TM4SF1: variants seen among roughly 807,000 people sequenced by gnomAD.
TM4SF1 encodes transmembrane 4 L six family member 1, also known as transmembrane 4 L6 family member 1.
Under a neutral mutation model 24.5 loss-of-function variants are expected in TM4SF1, and 20 were observed. The ratio of observed to expected loss-of-function variants is 0.82; its 90% confidence interval spans 0.57 to 1.19. TM4SF1 has a LOEUF of 1.19. Among genes scored for constraint, TM4SF1 ranks in the 50% most tolerant of loss-of-function variants. The probability of loss-of-function intolerance (pLI) is 0.00; values close to 1 mark genes in which losing one functional copy is unlikely to be tolerated. For missense variants in TM4SF1, 258 were observed against 248.1 expected (o/e 1.04, Z -0.27); for synonymous variants, 107 against 95.4 (o/e 1.12, Z -0.71).
In TM4SF1 at chr3:149,369,363, A is replaced by G. The variant is rs1731766355; in HGVS notation, c.*503T>C. The G allele has an allele frequency of 6.4e-6, 1 of 155,092 alleles. No individual in the cohort carries two copies. The highest frequency in any genetic ancestry group is 1.4e-5 in the Non-Finnish European group (1 of 70,354). The allele number at this position is 155,092 out of a possible 1,614,324, so 9.6% of individuals were successfully genotyped here. On this transcript the variant is annotated 3_prime_UTR_variant, in exon 5 of 5. Transcript: ENST00000305366. The stretch of plus-strand genomic sequence containing the variant: ...TAAGTAAATATTTGTTTCTCACAGA[A>G]CACAAGGCAGTTCAAAGGGCCTCTT...
chr3:149,376,356 T>A (rs1444963846), intron 1 of TM4SF1, among the ~76,000 whole-genome samples: 2 of 152,226 alleles, frequency 1.3e-5, no homozygotes, highest in Non-Finnish European at 1.5e-5. Context: ...AATAATCATG[T>A]TAACATGATA....
In TM4SF1 at chr3:149,371,811, T is replaced by G; in HGVS notation, c.470A>C (p.Glu157Ala). The G allele has an allele frequency of 6.2e-7, 1 of 1,614,072 alleles. No individual in the cohort carries two copies. The highest frequency in any genetic ancestry group is 2.2e-5 in the East Asian group (1 of 44,890). ...SECTEPKHIVEWNVSLFSILL... is the reference protein window; with the variant it reads ...SECTEPKHIVAWNVSLFSILL... ...GATAGAAAACAGAGATACATTCCAT[T>G]CCACAATGTGCTTGGGTTCAGTGCA... Residue 157 changes from glutamate (E) to alanine (A), a missense_variant, in exon 4 of 5, where the codon GAA becomes GCA. Transcript: ENST00000305366.
At chr3:149,372,200 T>G (rs1005791379) in intron 3 of TM4SF1, among the ~76,000 whole-genome samples, 9 of 152,224 alleles carry the variant, frequency 5.9e-5, no homozygotes, top group African/African-American at 2.2e-4. Context: ...ATTTGTGCTG[T>G]GTTTAAAGCT....
At chr3:149,374,561 G>A (rs1308989376) in intron 3 of TM4SF1, among the ~76,000 whole-genome samples, 2 of 151,854 alleles carry the variant, frequency 1.3e-5, no homozygotes, top group African/African-American at 4.9e-5. Context: ...TTCTTTTCTG[G>A]ATAACTGATA....
intron 3 of TM4SF1, among the ~76,000 whole-genome samples, chr3:149,374,749 G>A (rs1172572149): frequency 6.6e-6 from 1 of 152,082 alleles, no homozygotes; most frequent in Non-Finnish European, 1.5e-5. Context: ...GTATACACAG[G>A]GGTAAGGGCA....
At chr3:149,371,309 G>C in intron 4 of TM4SF1, 1 of 384,450 alleles carries the variant, frequency 2.6e-6, no homozygotes, top group Non-Finnish European at 4.7e-6. Context: ...CTGATGCATT[G>C]AATGGTTGGC....
intron 3 of TM4SF1, among the ~76,000 whole-genome samples, chr3:149,375,036 T>G (rs1454223176): frequency 6.6e-6 from 1 of 152,090 alleles, no homozygotes; most frequent in Non-Finnish European, 1.5e-5. Flanking sequence ...AAATAGGAAG[T>G]CACTTCATAG....
intron 4 of TM4SF1, chr3:149,371,259 T>C (rs1210688510): frequency 1.9e-5 from 4 of 214,320 alleles, no homozygotes; most frequent in Non-Finnish European, 3.7e-5. Context: ...ATCTTAAGCC[T>C]ATTGCTTAAT....
intron 4 of TM4SF1, chr3:149,371,052 G>A (rs1371020605): frequency 2.6e-5 from 4 of 152,102 alleles, no homozygotes; most frequent in Non-Finnish European, 4.4e-5. Flanking sequence ...CTTTCACAAC[G>A]AAAGGCTTTT....
intron 1 of TM4SF1, among the ~76,000 whole-genome samples, chr3:149,377,035 C>G (rs930552774): frequency 1.2e-4 from 18 of 152,176 alleles, no homozygotes; most frequent in African/African-American, 4.3e-4. Context: ...CTTCCGGCTC[C>G]CCAGAGCAAA....
Position 149,371,749 on chromosome 3 carries a change from G to A in TM4SF1, c.532C>T (p.Leu178Phe). ...AGCACTCCATTTATTACTTGAATAA[G>A]ACACAAGATGAATTCAATTCCACCA... ...ALGGIEFILC[L>F]IQVINGVLGG... Residue 178 changes from leucine (L) to phenylalanine (F), a missense_variant, in exon 4 of 5, where the codon CTT becomes TTT. Leu to Phe is a conservative substitution (Grantham distance 22). Coordinates refer to ENST00000305366, the MANE Select transcript of TM4SF1 (RefSeq NM_014220.3). The A allele has an allele frequency of 6.2e-7, 1 of 1,614,084 alleles. No homozygotes were observed. Among genetic ancestry groups the A allele is most frequent in the Non-Finnish European group, 8.5e-7 (1 of 1,180,022 alleles).
At chr3:149,370,805 A>G (rs1233504159) in intron 4 of TM4SF1, 6 of 152,160 alleles carry the variant, frequency 3.9e-5, no homozygotes, top group Non-Finnish European at 7.4e-5. Flanking sequence ...AGTTTTCATT[A>G]GGTTTTTGTC....
chr3:149,375,031 G>A (rs115317025), intron 3 of TM4SF1, among the ~76,000 whole-genome samples: 1,532 of 152,140 alleles, frequency 0.01, 34 homozygotes, highest in African/African-American at 0.035. Flanking sequence ...CTTTAAAATA[G>A]GAAGTCACTT....
Position 149,375,210 on chromosome 3 carries a change from GA to G in TM4SF1, c.413+232del, listed in dbSNP as rs557820027. On this transcript the variant is annotated intron_variant, in intron 3 of 4. Coordinates refer to ENST00000305366, the MANE Select transcript of TM4SF1 (RefSeq NM_014220.3). ...ACAGATCAAGACCCTGTCTCTGGGG[GA>G]AAAAAAAAGAAAGAAAGAAAAGAAA... is the stretch of plus-strand genomic sequence containing the variant. 5.4e-3 allele frequency among the ~76,000 whole-genome samples: 805 copies of G among 150,460 alleles called. 4 individuals carry two copies. Among genetic ancestry groups the G allele is most frequent in the South Asian group, 0.015 (71 of 4,730 alleles).
chr3:149,377,627 T>C lies in TM4SF1; in HGVS notation c.-80A>G. ...CAAATTAGATGAAAGTGTGCCCTTC[T>C]GGTGGAGAAAGCAAACACCACTCTC... On this transcript the variant is annotated 5_prime_UTR_variant, in exon 1 of 5. Transcript: ENST00000305366. 1 of 1,531,324 alleles carries C rather than the reference T, an allele frequency of 6.5e-7. No individual in the cohort carries two copies. Among genetic ancestry groups the C allele is most frequent in the Non-Finnish European group, 8.8e-7 (1 of 1,140,050 alleles). 94.9% of individuals were successfully genotyped at this position (1,531,324 alleles called of 1,614,324 possible).
intron 4 of TM4SF1, chr3:149,371,087 T>C (rs1731810713): frequency 6.6e-6 from 1 of 152,428 alleles, no homozygotes; most frequent in South Asian, 2.1e-4. Flanking sequence ...CAAAGATTGC[T>C]AGTGATTCTC....
chr3:149,376,940 T>C (rs955781340), intron 1 of TM4SF1, among the ~76,000 whole-genome samples: 14 of 152,222 alleles, frequency 9.2e-5, no homozygotes, highest in African/African-American at 3.4e-4. Flanking sequence ...CAATTCATTA[T>C]TTTTCCCTAT....
intron 4 of TM4SF1, chr3:149,371,365 C>G: frequency 1.9e-6 from 1 of 531,740 alleles, no homozygotes; most frequent in East Asian, 3.2e-5. Context: ...AAACAAAGAG[C>G]AGACATCACT....
At chr3:149,376,489 C>A (rs1458838629) in intron 1 of TM4SF1, among the ~76,000 whole-genome samples, 1 of 151,922 alleles carries the variant, frequency 6.6e-6, no homozygotes, top group South Asian at 2.1e-4. Context: ...GGCAACATGG[C>A]GAAACCCCGT....
Sources: gnomAD v4.1 joint callset for allele counts (sites outside exome capture counted in the v4.1 genomes callset) on GRCh38, gnomAD v4.1.1 for gene constraint, MANE v1.5 for transcripts, NCBI Gene and HGNC (gene_info 2026-07-23, HGNC 2026-07-21) for gene names.